PLXNA4: variants seen among roughly 807,000 people sequenced by gnomAD.
The protein encoded by PLXNA4 is plexin-A4.
Under a neutral mutation model 191.8 loss-of-function variants are expected in PLXNA4, and 44 were observed. That is an observed-to-expected ratio of 0.23 (90% CI 0.18 to 0.29). The LOEUF (loss-of-function observed/expected upper bound fraction) is 0.29. PLXNA4 is among the 10% of genes least tolerant of loss of function. The pLI is 1.00. For missense variants in PLXNA4, 1,800 were observed against 2,488.8 expected (o/e 0.72, Z 5.89); for synonymous variants, 1,082 against 1,009.5 (o/e 1.07, Z -1.36).
intron 3 of PLXNA4, among the ~76,000 whole-genome samples, chr7:132,413,383 A>G (rs1282781339): frequency 6.6e-6 from 1 of 152,212 alleles, no homozygotes; most frequent in Non-Finnish European, 1.5e-5. Flanking sequence ...GCATCAAGAC[A>G]GGGGCACACA....
chr7:132,640,484 G>A (rs1449601809), intron 2 of PLXNA4, among the ~76,000 whole-genome samples: 2 of 152,096 alleles, frequency 1.3e-5, no homozygotes, highest in African/African-American at 2.4e-5. Context: ...ATAAGAATAG[G>A]AAGAAAGACC....
chr7:132,414,969 C>T (rs1047263307), intron 3 of PLXNA4, among the ~76,000 whole-genome samples: 4 of 152,208 alleles, frequency 2.6e-5, no homozygotes, highest in African/African-American at 7.2e-5. Flanking sequence ...CCACAACCTC[C>T]TATCCTTGGC....
chr7:132,431,846 G>T (rs1010784112), intron 3 of PLXNA4, among the ~76,000 whole-genome samples: 2 of 152,170 alleles, frequency 1.3e-5, no homozygotes. Context: ...ACAGACCGTA[G>T]CCCAGTGCTA....
intron 10 of PLXNA4, among the ~76,000 whole-genome samples, chr7:132,206,319 C>T (rs1406659398): frequency 2.0e-5 from 3 of 152,088 alleles, no homozygotes; most frequent in Non-Finnish European, 4.4e-5. Context: ...AAACTATATT[C>T]GTGTTGCCTA....
chr7:132,147,342 C>T (rs991823991), intron 27 of PLXNA4, among the ~76,000 whole-genome samples: 8 of 152,166 alleles, frequency 5.3e-5, no homozygotes, highest in Non-Finnish European at 7.3e-5. Flanking sequence ...TTTTCAGTCT[C>T]TTCTTCTGGT....
chr7:132,221,056 C>T (rs1191800610), intron 9 of PLXNA4, among the ~76,000 whole-genome samples: 5 of 151,762 alleles, frequency 3.3e-5, no homozygotes, highest in Non-Finnish European at 7.4e-5. Context: ...ACTATGTTGT[C>T]CTGACTGGTC....
chr7:132,336,063 C>T (rs1802804145), intron 3 of PLXNA4, among the ~76,000 whole-genome samples: 1 of 152,192 alleles, frequency 6.6e-6, no homozygotes. Flanking sequence ...GACATATTCT[C>T]TGTCATCTGC....
At chr7:132,505,837 C>A (rs915105608) in intron 2 of PLXNA4, among the ~76,000 whole-genome samples, 2 of 152,112 alleles carry the variant, frequency 1.3e-5, no homozygotes, top group African/African-American at 2.4e-5. Context: ...TGGAAGCAGT[C>A]CATACCCCCG....
chr7:132,490,065 G>A (rs1471607288), intron 2 of PLXNA4, among the ~76,000 whole-genome samples: 2 of 152,222 alleles, frequency 1.3e-5, no homozygotes, highest in East Asian at 3.9e-4. Context: ...AATCAGCTGG[G>A]GAAAGGAGCA....
chr7:132,149,569 T>A (rs1584765224), intron 25 of PLXNA4, among the ~76,000 whole-genome samples: 1 of 152,186 alleles, frequency 6.6e-6, no homozygotes, highest in African/African-American at 2.4e-5. Flanking sequence ...CATGGACATA[T>A]ACCAGAAAGG....
chr7:132,395,749 G>C (rs1793731118), intron 3 of PLXNA4, among the ~76,000 whole-genome samples: 1 of 152,244 alleles, frequency 6.6e-6, no homozygotes, highest in Non-Finnish European at 1.5e-5. Context: ...AAGAAGTCCA[G>C]ATGCAAGTGC....
intron 3 of PLXNA4, among the ~76,000 whole-genome samples, chr7:132,327,014 G>C (rs979945381): frequency 9.9e-6 from 1 of 100,644 alleles, no homozygotes; most frequent in Non-Finnish European, 2.3e-5. Context: ...GGAAGAAAAA[G>C]AGGGAAGAGA....
chr7:132,189,592 C>A (rs571957932), intron 14 of PLXNA4, among the ~76,000 whole-genome samples: 1 of 152,330 alleles, frequency 6.6e-6, no homozygotes, highest in Non-Finnish European at 1.5e-5. Flanking sequence ...GTCTCCCCAA[C>A]ATGCCCCAAG....
intron 3 of PLXNA4, among the ~76,000 whole-genome samples, chr7:132,305,361 A>AACACACACACACAC (rs57158164): frequency 0.012 from 1,604 of 131,120 alleles, 13 homozygotes; most frequent in Non-Finnish European, 0.014. Flanking sequence ...GCTTACCAAG[A>AACACACACACACAC]ACACACACAC....
At chr7:132,614,495 C>G (rs10225090) in intron 2 of PLXNA4, among the ~76,000 whole-genome samples, 1 of 152,306 alleles carries the variant, frequency 6.6e-6, no homozygotes, top group Non-Finnish European at 1.5e-5. Flanking sequence ...GTTTTCAGCA[C>G]GTAAGTTGAT....
rs757046566 is a variant in PLXNA4, at chr7:132,363,204, C to T, written c.1372-64982G>A. ...TTCATCATGTTGGCCAGGCTGGTCT[C>T]GAACTCCTGACCTCAAGTGATCCAC... On this transcript the variant is annotated intron_variant, in intron 3 of 31. Coordinates refer to ENST00000321063, the MANE Select transcript of PLXNA4 (RefSeq NM_020911.2). Among the ~76,000 whole-genome samples the T allele has an allele frequency of 3.3e-5, 5 of 152,228 alleles. 1 individual carries two copies. The South Asian group carries it at 6.2e-4, about 19-fold the overall frequency.
chr7:132,630,819 A>C (rs1281775256), intron 2 of PLXNA4, among the ~76,000 whole-genome samples: 1 of 151,972 alleles, frequency 6.6e-6, no homozygotes, highest in African/African-American at 2.4e-5. Context: ...CCTTTATTTG[A>C]CTCTTTATGG....
At chr7:132,606,136 C>T (rs1802919584) in intron 2 of PLXNA4, among the ~76,000 whole-genome samples, 1 of 152,164 alleles carries the variant, frequency 6.6e-6, no homozygotes, top group Non-Finnish European at 1.5e-5. Flanking sequence ...TGCACTCCAG[C>T]CTAGGCGACA....
chr7:132,528,647 G>A (rs1257563972), intron 1 of PLXNA4, among the ~76,000 whole-genome samples: 1 of 152,206 alleles, frequency 6.6e-6, no homozygotes, highest in Non-Finnish European at 1.5e-5. Flanking sequence ...ATGTGAGGGA[G>A]CACCTCTCTT....
Sources: allele counts gnomAD v4.1 joint callset (sites outside exome capture counted in the v4.1 genomes callset), GRCh38; gene constraint gnomAD v4.1.1; transcripts MANE v1.5; gene names NCBI Gene and HGNC (gene_info 2026-07-23, HGNC 2026-07-21).